Variants in FAM13A observed in about 807,000 individuals in gnomAD.
FAM13A encodes the protein family with sequence similarity 13 member A.
FAM13A carries 76 observed loss-of-function variants against 129.6 expected under a neutral mutation model. The observed-to-expected ratio is 0.59, with a 90% CI of 0.49 to 0.71. FAM13A has a LOEUF of 0.71. Among genes scored for constraint, FAM13A ranks in the 30% least tolerant of loss-of-function variants. The pLI, the probability that FAM13A is intolerant of heterozygous loss-of-function variation, is 0.00. For synonymous variants in FAM13A, 443 were observed against 449.9 expected (o/e 0.98, Z 0.20); for missense variants, 1,108 against 1,249.3 (o/e 0.89, Z 1.70).
chr4:88,948,562 C>T (rs982697279), intron 4 of FAM13A, among the ~76,000 whole-genome samples: 4 of 151,736 alleles, frequency 2.6e-5, no homozygotes, highest in Admixed American at 2.6e-4. Context: ...GATCTCAGCT[C>T]ACTGCAACCT....
At chr4:88,882,727 T>C (rs1743789344) in intron 6 of FAM13A, among the ~76,000 whole-genome samples, 1 of 152,028 alleles carries the variant, frequency 6.6e-6, no homozygotes, top group African/African-American at 2.4e-5. Flanking sequence ...AATGGCAGAA[T>C]GGATAAGAAT....
intron 23 of FAM13A, 34 bp downstream of exon 23, chr4:88,731,293 G>A (rs190742441): frequency 9.1e-6 from 11 of 1,207,744 alleles, no homozygotes; most frequent in South Asian, 3.8e-5. Context: ...GGTGCGGCGG[G>A]GGGGAAGGGA....
At position 88,874,467 on chromosome 4, in the gene FAM13A, A is replaced by G. The variant is rs549536693; in HGVS notation, c.844-23284T>C. Among the ~76,000 whole-genome samples the G allele has an allele frequency of 5.9e-5, 9 of 152,276 alleles. No homozygotes were observed. The East Asian group carries it at 1.5e-3, about 26-fold the overall frequency. ...TCTCTGGATACAAAATCAATGTGCA[A>G]AAATCACAAGCATTCCTATATACCA... On this transcript the variant is annotated intron_variant, in intron 6 of 23. Coordinates refer to ENST00000264344, the MANE Select transcript of FAM13A (RefSeq NM_014883.4).
rs200408844 is a variant in FAM13A, at chr4:88,746,932, C to T, written c.2466G>A (p.Pro822=). The T allele has an allele frequency of 4.4e-5, 70 of 1,605,276 alleles. No individual in the cohort carries two copies. The highest frequency in any genetic ancestry group is 2.2e-5 in the East Asian group (1 of 44,818). ...TCAGAAAATTTACTACATCACATAC[C>T]GGCCGTCCATGAATGCTTTCATAAT... ...LLYYESIHGR[P]VTKNERQVMK... The change falls in exon 19 of 24, where the codon CCG becomes CCA. Residue 822 remains proline (P), a splice_region_variant and synonymous_variant. Coordinates refer to ENST00000264344, the MANE Select transcript of FAM13A (RefSeq NM_014883.4).
chr4:89,007,606 T>C (rs1765224465), intron 3 of FAM13A, among the ~76,000 whole-genome samples: 2 of 152,150 alleles, frequency 1.3e-5, no homozygotes, highest in African/African-American at 2.4e-5. Context: ...AGATACATGT[T>C]TACTGATTCA....
chr4:89,018,506 C>T (rs989636459), intron 3 of FAM13A, among the ~76,000 whole-genome samples: 4 of 152,108 alleles, frequency 2.6e-5, no homozygotes, highest in East Asian at 1.9e-4. Context: ...GGGGTTGAGG[C>T]CTCAAAGATA....
At chr4:88,808,285 G>C (rs1728979185) in intron 7 of FAM13A, among the ~76,000 whole-genome samples, 1 of 152,036 alleles carries the variant, frequency 6.6e-6, no homozygotes, top group African/African-American at 2.4e-5. Flanking sequence ...AGGAAAAATG[G>C]CCACGGACAA....
chr4:88,962,874 A>G (rs938009342), intron 4 of FAM13A, among the ~76,000 whole-genome samples: 2 of 152,220 alleles, frequency 1.3e-5, no homozygotes, highest in African/African-American at 4.8e-5. Context: ...AGTGGTATAA[A>G]GATTAACGTT....
intron 4 of FAM13A, among the ~76,000 whole-genome samples, chr4:88,964,826 C>T (rs1759129658): frequency 6.6e-6 from 1 of 152,006 alleles, no homozygotes; most frequent in African/African-American, 2.4e-5. Context: ...CAGGGTTTCA[C>T]CACATTGGCC....
chr4:89,004,654 A>G (rs1315043354), intron 3 of FAM13A, among the ~76,000 whole-genome samples: 1 of 152,194 alleles, frequency 6.6e-6, no homozygotes, highest in African/African-American at 2.4e-5. Flanking sequence ...TAGAATAGAG[A>G]AAGGCTAAGG....
At chr4:88,961,982 C>A (rs1758684975) in intron 4 of FAM13A, among the ~76,000 whole-genome samples, 2 of 150,050 alleles carry the variant, frequency 1.3e-5, no homozygotes, top group South Asian at 4.2e-4. Context: ...AATTATAAAA[C>A]AATAGAAAAT....
At chr4:88,927,704 T>C (rs1047776804) in intron 5 of FAM13A, among the ~76,000 whole-genome samples, 1 of 152,098 alleles carries the variant, frequency 6.6e-6, no homozygotes, top group Non-Finnish European at 1.5e-5. Flanking sequence ...TAAGTTGTTA[T>C]GTTTCCTTTT....
rs1483435025 is a variant in FAM13A, at chr4:88,913,553, G to C, written c.760-7091C>G. 3.3e-5 allele frequency among the ~76,000 whole-genome samples: 5 copies of C among 150,132 alleles called. No individual in the cohort carries two copies. In the South Asian group the frequency reaches 8.4e-4, roughly 25 times the overall value. On this transcript the variant is annotated intron_variant, in intron 5 of 23. Transcript: ENST00000264344. The stretch of plus-strand genomic sequence containing the variant: ...AAGAAGAGGAAGAAGAGGAGGAAGA[G>C]GAGGAGGAGGAAGAAGAAGAAAAAA...
chr4:88,923,889 A>G (rs1751612771), intron 5 of FAM13A, among the ~76,000 whole-genome samples: 1 of 152,186 alleles, frequency 6.6e-6, no homozygotes, highest in Admixed American at 6.5e-5. Flanking sequence ...GAAAATCACA[A>G]GCATTCTTAT....
At chr4:88,902,198 T>C (rs1179553086) in intron 6 of FAM13A, among the ~76,000 whole-genome samples, 1 of 152,154 alleles carries the variant, frequency 6.6e-6, no homozygotes, top group African/African-American at 2.4e-5. Flanking sequence ...GGTGGTACCA[T>C]TTCTATTGAA....
chr4:88,883,793 C>A (rs530245042), intron 6 of FAM13A, among the ~76,000 whole-genome samples: 4 of 151,560 alleles, frequency 2.6e-5, no homozygotes, highest in Admixed American at 2.0e-4. Flanking sequence ...GAGAGAAGAT[C>A]CAAATAAGTT....
rs752662652 is a variant in FAM13A at position 88,790,623 on chromosome 4, G to A, written c.1054C>T (p.His352Tyr). The part of the protein sequence containing the change: ...RPLSPFYLSA[H>Y]VPQVSNVSAT... ...GACACATTGCTGACTTGGGGTACAT[G>A]AGCACTGCAGAAAAGAAGCAAAGAG... The change falls in exon 9 of 24, where the codon CAT becomes TAT. Residue 352 changes from histidine (H) to tyrosine (Y), a missense_variant. Coordinates refer to ENST00000264344, the MANE Select transcript of FAM13A (RefSeq NM_014883.4). 1 of 1,610,850 alleles carries A rather than the reference G, an allele frequency of 6.2e-7. No homozygotes were observed. Among genetic ancestry groups the A allele is most frequent in the Admixed American group, 1.7e-5 (1 of 59,806 alleles).
At chr4:88,841,392 G>A (rs999420604) in intron 7 of FAM13A, among the ~76,000 whole-genome samples, 2 of 151,462 alleles carry the variant, frequency 1.3e-5, no homozygotes, top group Non-Finnish European at 2.9e-5. Flanking sequence ...TACTCAGGAG[G>A]CTGAGGCAGG....
intron 6 of FAM13A, among the ~76,000 whole-genome samples, chr4:88,901,845 C>G (rs928075864): frequency 6.6e-6 from 1 of 151,826 alleles, no homozygotes; most frequent in Non-Finnish European, 1.5e-5. Flanking sequence ...AGTTAGACCA[C>G]TAGCTAGACT....
Sources: gnomAD v4.1 joint callset for allele counts (sites outside exome capture counted in the v4.1 genomes callset) on GRCh38, gnomAD v4.1.1 for gene constraint, MANE v1.5 for transcripts, NCBI Gene and HGNC (gene_info 2026-07-23, HGNC 2026-07-21) for gene names.